XBP1: variants seen among roughly 807,000 people sequenced by gnomAD.
XBP1 encodes the protein X-box binding protein 1, also known as X-box-binding protein 1.
In XBP1, 18 loss-of-function variants were observed where a neutral mutation model predicts 34.6. That is an observed-to-expected ratio of 0.52 (90% CI 0.36 to 0.77). The LOEUF is 0.77. XBP1 is among the 30% of genes least tolerant of loss of function. The pLI is 0.00. For synonymous variants in XBP1, 191 were observed against 193.4 expected (o/e 0.99, Z 0.11); for missense variants, 422 against 464.6 (o/e 0.91, Z 0.84).
chr22:28,799,170 C>A lies in XBP1; in HGVS notation c.228-17G>T, dbSNP rs2031814197. The A allele has an allele frequency of 6.3e-7, 1 of 1,594,582 alleles. No homozygotes were observed. Among genetic ancestry groups the A allele is most frequent in the Admixed American group, 1.7e-5 (1 of 59,424 alleles). On this transcript the variant is annotated splice_polypyrimidine_tract_variant and intron_variant, in intron 1 of 5. Transcript: ENST00000344347. Reference sequence around the variant, plus strand: ...TTCAGTTTCCTAGGAAGAGAAGGAACATACCACACTGAGTCATATCAAACC... The same window carrying A: ...TTCAGTTTCCTAGGAAGAGAAGGAAAATACCACACTGAGTCATATCAAACC...
intron 2 of XBP1, among the ~76,000 whole-genome samples, chr22:28,798,650 C>T (rs2031796124): frequency 6.7e-6 from 1 of 148,742 alleles, no homozygotes; most frequent in African/African-American, 2.5e-5. Flanking sequence ...CACTCTGTTG[C>T]CCAGGCTGGA....
At chr22:28,795,946 A>C in intron 5 of XBP1, 101 bp downstream of exon 5, 1 of 1,507,034 alleles carries the variant, frequency 6.6e-7, no homozygotes, top group Non-Finnish European at 9.1e-7. Flanking sequence ...CCCCACCAAA[A>C]ACTAACTTCA....
rs1034301328 is a variant in XBP1, at chr22:28,799,228, C to T, written c.228-75G>A. 8.0e-6 allele frequency: 9 copies of T among 1,125,384 alleles called. No individual in the cohort carries two copies. The African/African-American group carries it at 9.4e-5, about 12-fold the overall frequency. The allele number at this position is 1,125,384 out of a possible 1,614,324, so 69.7% of individuals were successfully genotyped here. On this transcript the variant is annotated intron_variant, in intron 1 of 5. Coordinates refer to ENST00000344347, the Ensembl canonical transcript of XBP1. ...TGTCTTTATTTGAAAACTTTACCAG[C>T]TGGTGCTTTCATTTTTATTTACAGT...
At chr22:28,794,784 CA>C (rs1482443031), downstream of XBP1, 3 of 157,498 alleles carry the variant, frequency 1.9e-5, no homozygotes, top group Non-Finnish European at 2.8e-5. Context: ...AAACTGGAGG[CA>C]AGCCAGGATG....
At chr22:28,795,196 A>G (rs1200916506) in exon 6 of XBP1, 1 of 1,519,936 alleles carries the variant, frequency 6.6e-7, no homozygotes, top group Non-Finnish European at 8.8e-7. Flanking sequence ...TCAGCTGGGG[A>G]AAGAGTTCAT....
At chr22:28,800,018 G>A (rs1481685315) in intron 1 of XBP1, 2 of 779,132 alleles carry the variant, frequency 2.6e-6, no homozygotes, top group Admixed American at 1.7e-5. Context: ...AAGAGGGCCT[G>A]GAAGACAGGT....
intron 2 of XBP1, among the ~76,000 whole-genome samples, chr22:28,798,302 C>CTTT (rs71316865): frequency 4.9e-5 from 6 of 123,388 alleles, no homozygotes; most frequent in East Asian, 2.9e-4. Flanking sequence ...CTTAGATTAA[C>CTTT]TTTTTTTTTT....
intron 2 of XBP1, among the ~76,000 whole-genome samples, chr22:28,797,860 A>T (rs1323089251): frequency 6.6e-6 from 1 of 151,936 alleles, no homozygotes; most frequent in African/African-American, 2.4e-5. Flanking sequence ...GCAGGTAATA[A>T]TAAAAGTGGT....
chr22:28,800,542 C>T (rs762464007), upstream of XBP1: 6 of 1,474,082 alleles, frequency 4.1e-6, no homozygotes, highest in Non-Finnish European at 5.4e-6. Context: ...GACTACGCAC[C>T]GCGCACCGCG....
chr22:28,800,378 C>A (rs1377558939), exon 1 of XBP1: 2 of 1,538,666 alleles, frequency 1.3e-6, no homozygotes, highest in East Asian at 2.6e-5. Flanking sequence ...CGCTCGCTGC[C>A]TCCGGGCTGG....
At chr22:28,799,029 A>T in intron 2 of XBP1, 28 bp downstream of exon 2, 1 of 1,581,652 alleles carries the variant, frequency 6.3e-7, no homozygotes, top group Non-Finnish European at 8.7e-7. Flanking sequence ...TACAATGGAT[A>T]AAAGAGTTTG....
chr22:28,795,183 T>C (rs2031721994), exon 6 of XBP1: 1 of 1,508,798 alleles, frequency 6.6e-7, no homozygotes, highest in Non-Finnish European at 8.9e-7. Flanking sequence ...CCTTAGACAC[T>C]AATCAGCTGG....
rs775966832 is a variant in XBP1 at position 28,797,151 on chromosome 22, C to G, written c.379G>C (p.Val127Leu). The G allele has an allele frequency of 1.5e-5, 25 of 1,613,520 alleles. No homozygotes were observed. The South Asian group carries it at 2.6e-4, about 17-fold the overall frequency. ...TGTCTTAACTCCTGGTTCTCAACTA[C>G]AAGGCCATGAGTTTTCTCTCGTAAA... is the stretch of plus-strand genomic sequence containing the variant. Residue 127 changes from valine (V) to leucine (L), a missense_variant, in exon 3 of 6, where the codon GTA becomes CTA. Physicochemically the swap from Val to Leu is conservative, Grantham distance 32. This residue lies in a region of XBP1 where 292 missense variants were observed against 339.9 expected (regional missense o/e 0.86). Transcript: ENST00000344347.
Position 28,796,031 on chromosome 22 carries a change from T to A in XBP1, c.573+16A>T, listed in dbSNP as rs184075569. The A allele has an allele frequency of 6.2e-6, 10 of 1,614,024 alleles. No individual in the cohort carries two copies. In the African/African-American group the frequency reaches 8.0e-5, roughly 13 times the overall value. On this transcript the variant is annotated intron_variant, in intron 5 of 5. Coordinates refer to ENST00000344347, the Ensembl canonical transcript of XBP1. ...ACTGGTTATATAGCTCTTTAATAAGTCAGAATGATCCCTACCTCTGAATCT... is the reference window on the plus strand; with the variant it reads ...ACTGGTTATATAGCTCTTTAATAAGACAGAATGATCCCTACCTCTGAATCT...
chr22:28,797,008 C>T, intron 3 of XBP1, 69 bp downstream of exon 3: 1 of 1,533,612 alleles, frequency 6.5e-7, no homozygotes, highest in Non-Finnish European at 8.8e-7. Flanking sequence ...AGACTGTAAA[C>T]ATAATCGCTG....
At chr22:28,795,075 T>G, downstream of XBP1, 1 of 1,154,134 alleles carries the variant, frequency 8.7e-7, no homozygotes, top group South Asian at 1.7e-5. Flanking sequence ...GACTGTATAC[T>G]CTCTATTTTG....
chr22:28,795,122 T>G, downstream of XBP1: 1 of 1,446,394 alleles, frequency 6.9e-7, no homozygotes, highest in Non-Finnish European at 9.1e-7. Flanking sequence ...TTCTCTGCTA[T>G]CCTCCAGGCA....
At chr22:28,799,094 C>G (rs759540426) in exon 2 of XBP1, 1 of 1,614,200 alleles carries the variant, frequency 6.2e-7, no homozygotes, top group Non-Finnish European at 8.5e-7. Context: ...TTCCAGCTCA[C>G]TCATTCGAGC....
rs1378803337 is a variant in XBP1, at chr22:28,795,264, AT to A, written c.1041del (p.Phe348SerfsTer10). 1 of 1,551,776 alleles carries A rather than the reference AT, an allele frequency of 6.4e-7. No individual in the cohort carries two copies. The highest frequency in any genetic ancestry group is 8.7e-7 in the Non-Finnish European group (1 of 1,146,952). ...CCAAGCAGAGAGGACATGTCACTGA[AT>A]GGGGAAAGGGAACCCCCGTATCCAC... On this transcript the variant is annotated frameshift_variant, in exon 6 of 6. Coordinates refer to ENST00000344347, the Ensembl canonical transcript of XBP1. LOFTEE classifies it high-confidence loss of function.
Sources: allele counts gnomAD v4.1 joint callset (sites outside exome capture counted in the v4.1 genomes callset), GRCh38; gene constraint gnomAD v4.1.1; regional missense constraint gnomAD v4.1.1; transcripts MANE v1.5; gene names NCBI Gene and HGNC (gene_info 2026-07-23, HGNC 2026-07-21).